SH3PXD2A: variants seen among roughly 807,000 people sequenced by gnomAD.
The protein encoded by SH3PXD2A is SH3 and PX domain-containing protein 2A.
SH3PXD2A carries 32 observed loss-of-function variants against 115.2 expected under a neutral mutation model. That is an observed-to-expected ratio of 0.28 (90% confidence interval 0.21 to 0.37). SH3PXD2A has a LOEUF of 0.37. SH3PXD2A is among the 10% of genes least tolerant of loss of function. The pLI is 1.00. For missense variants in SH3PXD2A, 1,328 were observed against 1,498.7 expected, an observed-to-expected ratio of 0.89 and a Z score of 1.88; for synonymous variants, 610 against 629.1, an observed-to-expected ratio of 0.97 and a Z score of 0.45.
rs866598957 is a variant in SH3PXD2A at position 103,775,336 on chromosome 10, G to A, written c.154-8167C>T. Among the ~76,000 whole-genome samples the A allele has an allele frequency of 5.3e-4, 81 of 152,182 alleles. 1 individual carries two copies. Among genetic ancestry groups the A allele is most frequent in the African/African-American group, 1.9e-3 (77 of 41,440 alleles). ...GAGTGTCAGTCATGGTCTGTGATCCGAGTGGGAGCTGGGACACCCACATGG... is the reference window on the plus strand; with the variant it reads ...GAGTGTCAGTCATGGTCTGTGATCCAAGTGGGAGCTGGGACACCCACATGG... On this transcript the variant is annotated intron_variant, in intron 2 of 14. Coordinates refer to ENST00000369774, the MANE Select transcript of SH3PXD2A (RefSeq NM_001394015.1).
At chr10:103,722,029 G>A (rs374010564) in intron 5 of SH3PXD2A, among the ~76,000 whole-genome samples, 28 of 151,884 alleles carry the variant, frequency 1.8e-4, no homozygotes, top group African/African-American at 6.3e-4. Context: ...CTGGCCGGGC[G>A]CAGTTGCTTA....
chr10:103,718,117 T>C (rs2038129106), intron 5 of SH3PXD2A, among the ~76,000 whole-genome samples: 1 of 151,792 alleles, frequency 6.6e-6, no homozygotes, highest in Non-Finnish European at 1.5e-5. Flanking sequence ...GCAATCCTCC[T>C]GCCTCAGCCT....
intron 5 of SH3PXD2A, among the ~76,000 whole-genome samples, chr10:103,693,807 G>A (rs2037791517): frequency 6.6e-6 from 1 of 152,158 alleles, no homozygotes; most frequent in Non-Finnish European, 1.5e-5. Context: ...ATACTGCAAG[G>A]TTAACTGGGA....
chr10:103,620,630 A>G lies in SH3PXD2A; in HGVS notation c.802+1840T>C, dbSNP rs1383259035. On this transcript the variant is annotated intron_variant, in intron 10 of 14. Transcript: ENST00000369774. This position sits in a 1 kb window ranked among gnomAD's most constrained non-coding sequence, Gnocchi z 5.3. The stretch of plus-strand genomic sequence containing the variant: ...GTTTGCAGCAAGCGTCTCCAAGCCA[A>G]CTCTCTGCAAGTTTTTCTTGGCTGC... 6.6e-6 allele frequency among the ~76,000 whole-genome samples: 1 copy of G among 151,416 alleles called. No homozygotes were observed. Among genetic ancestry groups the G allele is most frequent in the Non-Finnish European group, 1.5e-5 (1 of 67,868 alleles).
At chr10:103,638,746 C>A (rs2036904195) in intron 8 of SH3PXD2A, among the ~76,000 whole-genome samples, 1 of 152,220 alleles carries the variant, frequency 6.6e-6, no homozygotes, top group African/African-American at 2.4e-5. Context: ...CAGAATAGTG[C>A]CTTCAGACGA....
intron 8 of SH3PXD2A, among the ~76,000 whole-genome samples, chr10:103,650,500 T>C (rs2134021220): frequency 6.6e-6 from 1 of 152,334 alleles, no homozygotes; most frequent in South Asian, 2.1e-4. Context: ...CCCCAGGCAC[T>C]GTGGCTGGAT....
chr10:103,608,134 C>A (rs1346613278), intron 13 of SH3PXD2A, among the ~76,000 whole-genome samples: 1 of 8,916 alleles, frequency 1.1e-4, no homozygotes, highest in Non-Finnish European at 1.7e-4. Context: ...CGAGAAACAC[C>A]CAAGAATGAT....
intron 1 of SH3PXD2A, among the ~76,000 whole-genome samples, chr10:103,825,761 A>ATT (rs2039423919): frequency 1.4e-5 from 1 of 73,164 alleles, no homozygotes; most frequent in Non-Finnish European, 2.9e-5. Flanking sequence ...ATCCGTAACA[A>ATT]ATTTTTTTTT....
intron 3 of SH3PXD2A, among the ~76,000 whole-genome samples, chr10:103,739,916 A>T (rs996804472): frequency 9.9e-5 from 15 of 152,146 alleles, no homozygotes; most frequent in African/African-American, 3.6e-4. Flanking sequence ...TCTGGGGTTC[A>T]AGTCCTACCT....
At chr10:103,778,281 G>A (rs1285848584) in intron 2 of SH3PXD2A, among the ~76,000 whole-genome samples, 3 of 152,202 alleles carry the variant, frequency 2.0e-5, no homozygotes, top group African/African-American at 4.8e-5. Context: ...GCAGTGAACC[G>A]AGATCGTGCC....
chr10:103,767,810 G>GTTT (rs34903223), intron 2 of SH3PXD2A, among the ~76,000 whole-genome samples: 13 of 67,736 alleles, frequency 1.9e-4, no homozygotes, highest in African/African-American at 3.4e-4. Flanking sequence ...CAACTGTTTT[G>GTTT]TTTTTTTTTT....
At chr10:103,837,393 C>T (rs908415907) in intron 1 of SH3PXD2A, among the ~76,000 whole-genome samples, 1 of 152,174 alleles carries the variant, frequency 6.6e-6, no homozygotes, top group Non-Finnish European at 1.5e-5. Context: ...TGAAGCCGAC[C>T]CTAAGACAAG....
intron 1 of SH3PXD2A, among the ~76,000 whole-genome samples, chr10:103,821,409 G>A (rs1053003183): frequency 6.6e-5 from 10 of 152,078 alleles, no homozygotes; most frequent in Non-Finnish European, 1.5e-4. Flanking sequence ...GATTACAGGC[G>A]TGAGCCACCA....
At chr10:103,693,434 A>AC (rs889996034) in intron 5 of SH3PXD2A, 1 of 151,646 alleles carries the variant, frequency 6.6e-6, no homozygotes, top group Non-Finnish European at 1.5e-5. Context: ...CCCGGCCCCT[A>AC]CCCAGCGCTG....
chr10:103,635,450 A>C (rs2036849671), intron 8 of SH3PXD2A, among the ~76,000 whole-genome samples: 1 of 152,226 alleles, frequency 6.6e-6, no homozygotes, highest in Non-Finnish European at 1.5e-5. Flanking sequence ...GATGCCTGCC[A>C]GGGCCTTGCT....
chr10:103,799,920 A>G (rs1472747437), intron 2 of SH3PXD2A, among the ~76,000 whole-genome samples: 1 of 152,140 alleles, frequency 6.6e-6, no homozygotes, highest in Non-Finnish European at 1.5e-5. Flanking sequence ...TTAAGAAAGG[A>G]TTTGTAATAC....
chr10:103,669,005 T>C (rs1434733160), intron 6 of SH3PXD2A, among the ~76,000 whole-genome samples: 3 of 152,220 alleles, frequency 2.0e-5, no homozygotes, highest in African/African-American at 7.2e-5. Flanking sequence ...TTTCTGGCCA[T>C]GTGGGTGGCT....
intron 3 of SH3PXD2A, among the ~76,000 whole-genome samples, chr10:103,740,161 C>T (rs1053689731): frequency 2.6e-5 from 4 of 152,150 alleles, no homozygotes; most frequent in Admixed American, 2.0e-4. Context: ...CCTTCATCCT[C>T]GCAACAACCT....
intron 13 of SH3PXD2A, among the ~76,000 whole-genome samples, chr10:103,610,570 C>G (rs890612167): frequency 1.3e-5 from 2 of 152,146 alleles, no homozygotes; most frequent in African/African-American, 4.8e-5. Flanking sequence ...CCTACTCTTC[C>G]ATAGACTGGT....
Sources: gnomAD v4.1 joint callset for allele counts (sites outside exome capture counted in the v4.1 genomes callset) on GRCh38, gnomAD v4.1.1 for gene constraint, Gnocchi (gnomAD v3.1) non-coding constraint, MANE v1.5 for transcripts, NCBI Gene and HGNC (gene_info 2026-07-23, HGNC 2026-07-21) for gene names.